The following EVA1C variants were observed in gnomAD, a reference collection of about 807,000 sequenced individuals.
The protein encoded by EVA1C is eva-1 homolog C, also known as protein eva-1 homolog C.
A neutral mutation model predicts 45.4 loss-of-function variants in EVA1C; 25 were observed. The ratio of observed to expected loss-of-function variants is 0.55; its 90% CI spans 0.40 to 0.77. The LOEUF (loss-of-function observed/expected upper bound fraction) is 0.77, where lower values mean the gene tolerates loss of function less well. Ranked by LOEUF, EVA1C falls within the 30% of genes least tolerant of loss-of-function variation. EVA1C has a pLI of 0.00. For missense variants in EVA1C, 479 were observed against 554.8 expected (o/e 0.86, Z 1.37); for synonymous variants, 190 against 221.2 (o/e 0.86, Z 1.25).
chr21:32,412,852 C>G lies in EVA1C; in HGVS notation c.-2C>G. On this transcript the variant is annotated 5_prime_UTR_variant, in exon 1 of 8. Coordinates refer to ENST00000300255, the MANE Select transcript of EVA1C (RefSeq NM_058187.5). ...CGCCTCCGCCCCGCCGCGCAGCGCACGATGCTTCTGCCGGGACGCGCACGC... is the reference window on the plus strand; with the variant it reads ...CGCCTCCGCCCCGCCGCGCAGCGCAGGATGCTTCTGCCGGGACGCGCACGC... 2.7e-6 allele frequency: 4 copies of G among 1,477,440 alleles called. No homozygotes were observed. The highest frequency in any genetic ancestry group is 3.6e-6 in the Non-Finnish European group (4 of 1,120,818). The allele number at this position is 1,477,440 out of a possible 1,614,324, so 91.5% of individuals were successfully genotyped here. A position where few individuals can be genotyped will look rare whatever the true frequency, so the allele number is the denominator to read the frequency against.
At chr21:32,462,694 G>A (rs894038549) in intron 3 of EVA1C, among the ~76,000 whole-genome samples, 1 of 152,206 alleles carries the variant, frequency 6.6e-6, no homozygotes, top group Non-Finnish European at 1.5e-5. Context: ...GGAACACCTG[G>A]CCCACCCAGA....
intron 4 of EVA1C, among the ~76,000 whole-genome samples, chr21:32,484,609 C>T (rs1042171070): frequency 3.9e-5 from 6 of 152,118 alleles, no homozygotes; most frequent in Admixed American, 6.5e-5. Flanking sequence ...ATGTGTCACC[C>T]GGGGTTCTGT....
intron 3 of EVA1C, among the ~76,000 whole-genome samples, chr21:32,463,938 C>T (rs1202995186): frequency 6.6e-6 from 1 of 152,122 alleles, no homozygotes; most frequent in African/African-American, 2.4e-5. Flanking sequence ...TGGAAGGGGA[C>T]TTTGGCTCTT....
At chr21:32,424,305 A>C (rs1236425247) in intron 1 of EVA1C, among the ~76,000 whole-genome samples, 1 of 152,176 alleles carries the variant, frequency 6.6e-6, no homozygotes, top group East Asian at 1.9e-4. Context: ...GAGGAACAAG[A>C]GAAACCCAGG....
intron 1 of EVA1C, chr21:32,428,470 G>C (rs2034573976): frequency 6.6e-6 from 1 of 152,202 alleles, no homozygotes; most frequent in African/African-American, 2.4e-5. Flanking sequence ...GTCTTAGTCT[G>C]TTGCTCCTGT....
At chr21:32,453,622 C>A in intron 2 of EVA1C, 114 bp downstream of exon 2, 2 of 767,244 alleles carry the variant, frequency 2.6e-6, no homozygotes, top group Non-Finnish European at 4.1e-6. Context: ...AAAACTGATC[C>A]ATGAAAAATC....
chr21:32,449,248 G>A (rs1360527497), intron 1 of EVA1C, among the ~76,000 whole-genome samples: 1 of 152,158 alleles, frequency 6.6e-6, no homozygotes, highest in Admixed American at 6.5e-5. Flanking sequence ...TTTACATGAG[G>A]GCTCACTTTT....
At chr21:32,415,729 C>T (rs1167803559) in intron 1 of EVA1C, among the ~76,000 whole-genome samples, 5 of 152,258 alleles carry the variant, frequency 3.3e-5, no homozygotes, top group African/African-American at 7.2e-5. Flanking sequence ...CCCCAAACAC[C>T]GCCTTCTCTC....
At chr21:32,505,094 A>G (rs1304646710) in intron 7 of EVA1C, among the ~76,000 whole-genome samples, 1 of 152,000 alleles carries the variant, frequency 6.6e-6, no homozygotes, top group African/African-American at 2.4e-5. Flanking sequence ...ACCTCCCACC[A>G]TGTCCCTCCC....
chr21:32,453,574 G>A (rs573912348), intron 2 of EVA1C, 66 bp downstream of exon 2: 18 of 1,180,394 alleles, frequency 1.5e-5, no homozygotes, highest in Non-Finnish European at 2.2e-5. Flanking sequence ...CTCTCTCTGG[G>A]TATAAATATA....
At chr21:32,469,584 G>A (rs192184090) in intron 4 of EVA1C, among the ~76,000 whole-genome samples, 1 of 152,318 alleles carries the variant, frequency 6.6e-6, no homozygotes. Context: ...GCAGGTGCTT[G>A]TATCTATGGA....
intron 1 of EVA1C, among the ~76,000 whole-genome samples, chr21:32,433,525 G>A (rs1203167509): frequency 1.3e-5 from 2 of 152,118 alleles, no homozygotes; most frequent in Non-Finnish European, 2.9e-5. Context: ...CCTTCACCTG[G>A]GCTGCTAAGT....
intron 4 of EVA1C, chr21:32,493,548 C>T (rs1470969268): frequency 6.6e-6 from 1 of 152,420 alleles, no homozygotes; most frequent in East Asian, 1.9e-4. Flanking sequence ...CTGCCTCTAC[C>T]CAATTTCTGC....
intron 4 of EVA1C, among the ~76,000 whole-genome samples, chr21:32,487,201 TG>T (rs2036998902): frequency 6.6e-6 from 1 of 152,062 alleles, no homozygotes; most frequent in African/African-American, 2.4e-5. Flanking sequence ...CCCCTAATGA[TG>T]GGGGGCTGGT....
chr21:32,451,353 G>A (rs2035572725), intron 1 of EVA1C, among the ~76,000 whole-genome samples: 1 of 152,152 alleles, frequency 6.6e-6, no homozygotes, highest in Non-Finnish European at 1.5e-5. Flanking sequence ...GCCTCGCTGT[G>A]ACCTCGTGAG....
intron 7 of EVA1C, among the ~76,000 whole-genome samples, chr21:32,513,024 C>T (rs1311086730): frequency 6.6e-6 from 1 of 150,464 alleles, no homozygotes; most frequent in African/African-American, 2.4e-5. Flanking sequence ...TATTATAATA[C>T]TTACAATAAT....
chr21:32,470,493 G>A (rs7276509), intron 4 of EVA1C, among the ~76,000 whole-genome samples: 2,784 of 152,270 alleles, frequency 0.018, 82 homozygotes, highest in African/African-American at 0.063. Flanking sequence ...GTGTGAGGTG[G>A]GTCCCCATTG....
chr21:32,461,759 C>A (rs570104588), intron 3 of EVA1C, among the ~76,000 whole-genome samples: 14 of 152,342 alleles, frequency 9.2e-5, no homozygotes, highest in East Asian at 1.9e-4. Context: ...CTCACCGGAA[C>A]CTTCTTTTCC....
intron 1 of EVA1C, 47 bp downstream of exon 1, chr21:32,413,060 C>G (rs1257942970): frequency 7.6e-7 from 1 of 1,316,524 alleles, no homozygotes. Context: ...CGCGGAGCGC[C>G]CAGGTGAACC....
Sources: gnomAD v4.1 joint callset for allele counts (sites outside exome capture counted in the v4.1 genomes callset) on GRCh38, gnomAD v4.1.1 for gene constraint, MANE v1.5 for transcripts, NCBI Gene and HGNC (gene_info 2026-07-23, HGNC 2026-07-21) for gene names.